PLXNA1: variants seen among roughly 807,000 people sequenced by gnomAD.
PLXNA1 encodes plexin A1.
Under a neutral mutation model 191.7 loss-of-function variants are expected in PLXNA1, and 77 were observed. That is an observed-to-expected ratio of 0.40 (90% CI 0.33 to 0.49). The LOEUF (loss-of-function observed/expected upper bound fraction) is 0.49. Ranked by LOEUF, PLXNA1 falls within the 20% of genes least tolerant of loss-of-function variation. The pLI, the probability that PLXNA1 is intolerant of heterozygous loss-of-function variation, is 0.63. For synonymous variants in PLXNA1, 1,137 were observed against 1,156.4 expected (o/e 0.98, Z 0.34); for missense variants, 2,110 against 2,660.2 (o/e 0.79, Z 4.55).
In PLXNA1 at chr3:127,022,649, G is replaced by C. The variant is rs1469661202; in HGVS notation, c.4296-103G>C. 5 of 1,087,380 alleles carry C rather than the reference G, an allele frequency of 4.6e-6. No homozygotes were observed. In the East Asian group the frequency reaches 7.1e-5, roughly 16 times the overall value. 67.4% of individuals were successfully genotyped at this position (1,087,380 alleles called of 1,614,324 possible). On this transcript the variant is annotated intron_variant, in intron 22 of 31. Transcript: ENST00000393409. Reference sequence around the variant, plus strand: ...GACCTGACCTTCGGTGCTGTAGGAAGGGGGGCAGGGTGGGGTGGGATCGGT... The same window carrying C: ...GACCTGACCTTCGGTGCTGTAGGAACGGGGGCAGGGTGGGGTGGGATCGGT...
chr3:126,991,519 G>T lies in PLXNA1; in HGVS notation c.1330G>T (p.Gly444Cys). ...LTAVAAYDYR[G>C]RTVVFAGTRS... ...CGCCGTGGCTGCCTATGACTATCGG[G>T]GCCGCACTGTGGTATTCGCCGGCAC... is the stretch of plus-strand genomic sequence containing the variant. The change falls in exon 3 of 32, where the codon GGC (glycine) becomes TGC (cysteine). Residue 444 changes from glycine (G) to cysteine (C), a missense_variant. Coordinates refer to ENST00000393409, the MANE Select transcript of PLXNA1 (RefSeq NM_032242.4). 6.2e-7 allele frequency: 1 copy of T among 1,610,670 alleles called. No individual in the cohort carries two copies. The highest frequency in any genetic ancestry group is 8.5e-7 in the Non-Finnish European group (1 of 1,178,434).
intron 9 of PLXNA1, among the ~76,000 whole-genome samples, chr3:127,009,374 A>G (rs1244775384): frequency 6.6e-6 from 1 of 151,888 alleles, no homozygotes; most frequent in Non-Finnish European, 1.5e-5. Context: ...TTGGGGAGGC[A>G]GAGCAGGCAG....
In PLXNA1 at chr3:127,034,070, A is replaced by G; in HGVS notation, c.*53A>G. On this transcript the variant is annotated 3_prime_UTR_variant, in exon 32 of 32. Coordinates refer to ENST00000393409, the MANE Select transcript of PLXNA1 (RefSeq NM_032242.4). ...GCAGCGTGAGGACAGCTGAGCAGGG[A>G]CCGGGACAGCCCTCACCGCATGCGT... 6.8e-7 allele frequency: 1 copy of G among 1,474,378 alleles called. No homozygotes were observed. The highest frequency in any genetic ancestry group is 9.3e-7 in the Non-Finnish European group (1 of 1,080,758). 91.3% of individuals were successfully genotyped at this position (1,474,378 alleles called of 1,614,324 possible). A position where few individuals can be genotyped will look rare whatever the true frequency, so the allele number is the denominator to read the frequency against.
Position 127,030,383 on chromosome 3 carries a change from T to A in PLXNA1, c.5202T>A (p.Ala1734=). ...EQADKHQIHD[A]DVRHTWKSNC... ...CCGACAAGCACCAGATCCACGATGC[T>A]GACGTGCGCCACACCTGGAAGAGCA... Residue 1734 remains alanine, a synonymous_variant, in exon 29 of 32, where the codon GCT becomes GCA. Coordinates refer to ENST00000393409, the MANE Select transcript of PLXNA1 (RefSeq NM_032242.4). 2 of 1,613,938 alleles carry A rather than the reference T, an allele frequency of 1.2e-6. No homozygotes were observed. The highest frequency in any genetic ancestry group is 1.7e-6 in the Non-Finnish European group (2 of 1,179,990).
At position 126,988,658 on chromosome 3, in the gene PLXNA1, C is replaced by T. The variant is rs1023386198; in HGVS notation, c.65C>T (p.Pro22Leu). ...LLLLLLLLLL[P>L]GMWAEAGLPR... ...CTGCTGCTGTTGCTGCTGCTGCTGCCGGGCATGTGGGCTGAGGCAGGCTTG... is the reference window on the plus strand; with the variant it reads ...CTGCTGCTGTTGCTGCTGCTGCTGCTGGGCATGTGGGCTGAGGCAGGCTTG... Residue 22 changes from proline to leucine, a missense_variant, in exon 2 of 32, where the codon CCG (proline) becomes CTG (leucine). Physicochemically the swap from Pro to Leu is moderately conservative, Grantham distance 98. Coordinates refer to ENST00000393409, the MANE Select transcript of PLXNA1 (RefSeq NM_032242.4). 19 of 1,578,488 alleles carry T rather than the reference C, an allele frequency of 1.2e-5. No individual in the cohort carries two copies. Among genetic ancestry groups the T allele is most frequent in the African/African-American group, 2.7e-5 (2 of 74,186 alleles).
rs145586877 is a variant in PLXNA1 at position 127,027,798 on chromosome 3, T to C, written c.4363-142T>C. On this transcript the variant is annotated intron_variant, in intron 23 of 31. Transcript: ENST00000393409. ...CTCTGCTGGGCTTTGGGACTAAGGC[T>C]GTACTTGCCTCCCAAAGAGTTGGGA... 7.5e-4 allele frequency: 817 copies of C among 1,091,688 alleles called. 4 individuals are homozygous for C. The African/African-American group carries it at 0.011, about 14-fold the overall frequency. The allele number at this position is 1,091,688 out of a possible 1,614,324, so 67.6% of individuals were successfully genotyped here. A position where few individuals can be genotyped will look rare whatever the true frequency, so the allele number is the denominator to read the frequency against.
chr3:127,031,621 C>G (rs997174928), intron 29 of PLXNA1, among the ~76,000 whole-genome samples: 22 of 152,202 alleles, frequency 1.4e-4, no homozygotes, highest in Admixed American at 1.1e-3. Flanking sequence ...TGTTGCTTCC[C>G]AAACCTGGGA....
chr3:127,008,946 G>C (rs2079081817), intron 9 of PLXNA1, among the ~76,000 whole-genome samples: 1 of 152,178 alleles, frequency 6.6e-6, no homozygotes, highest in Non-Finnish European at 1.5e-5. Flanking sequence ...CTATAACAGT[G>C]GGTATGCAGG....
chr3:127,014,944 T>C lies in PLXNA1; in HGVS notation c.2877+113T>C, dbSNP rs1346243995. 3 of 1,477,734 alleles carry C rather than the reference T, an allele frequency of 2.0e-6. No individual in the cohort carries two copies. The African/African-American group carries it at 4.2e-5, about 21-fold the overall frequency. 91.5% of individuals were successfully genotyped at this position (1,477,734 alleles called of 1,614,324 possible). A position where few individuals can be genotyped will look rare whatever the true frequency, so the allele number is the denominator to read the frequency against. On this transcript the variant is annotated intron_variant, in intron 14 of 31. Transcript: ENST00000393409. ...GTCTGGCCATGCTCTGCCACTGCTT[T>C]TCCACGGCCTGGGTGCTGCCCCTCC...
rs748397339 is a variant in PLXNA1, at chr3:127,030,392, C to T, written c.5211C>T (p.Arg1737=). 6.2e-7 allele frequency: 1 copy of T among 1,613,948 alleles called. No individual in the cohort carries two copies. Among genetic ancestry groups the T allele is most frequent in the South Asian group, 1.1e-5 (1 of 91,086 alleles). ...ACCAGATCCACGATGCTGACGTGCGCCACACCTGGAAGAGCAACTGGTAAT... is the reference window on the plus strand; with the variant it reads ...ACCAGATCCACGATGCTGACGTGCGTCACACCTGGAAGAGCAACTGGTAAT... ...DKHQIHDADV[R]HTWKSNCLPL... The change falls in exon 29 of 32, where the codon CGC becomes CGT. Residue 1737 remains arginine (R), a synonymous_variant. Coordinates refer to ENST00000393409, the MANE Select transcript of PLXNA1 (RefSeq NM_032242.4).
At chr3:127,010,928 C>CA (rs1300306952) in intron 9 of PLXNA1, among the ~76,000 whole-genome samples, 5 of 152,166 alleles carry the variant, frequency 3.3e-5, no homozygotes, top group African/African-American at 1.2e-4. Flanking sequence ...CTCGGGCGCT[C>CA]ACGGGCAGCC....
chr3:127,004,056 G>A (rs1000719084), intron 4 of PLXNA1, among the ~76,000 whole-genome samples: 1 of 152,226 alleles, frequency 6.6e-6, no homozygotes, highest in Admixed American at 6.5e-5. Flanking sequence ...GGGCCAGGTT[G>A]GGCACACCAG....
In PLXNA1 at chr3:127,035,151, A is replaced by G. The variant is rs1677366725; in HGVS notation, c.*1134A>G. 1 of 152,262 alleles carries G rather than the reference A, an allele frequency of 6.6e-6. No homozygotes were observed. Among genetic ancestry groups the G allele is most frequent in the African/African-American group, 2.4e-5 (1 of 41,448 alleles). 9.4% of individuals were successfully genotyped at this position (152,262 alleles called of 1,614,324 possible). A position where few individuals can be genotyped will look rare whatever the true frequency, so the allele number is the denominator to read the frequency against. On this transcript the variant is annotated 3_prime_UTR_variant, in exon 32 of 32. Transcript: ENST00000393409. Reference sequence around the variant, plus strand: ...GGGCCATGAGTGACGGGCAGTGACCAGAGGGACTGGAGGCCAGCGGTGTCC... The same window carrying G: ...GGGCCATGAGTGACGGGCAGTGACCGGAGGGACTGGAGGCCAGCGGTGTCC...
rs540648178 is a variant in PLXNA1 at position 127,034,043 on chromosome 3, A to G, written c.*26A>G. ...GCCCCAGCTGTGATCATCCAGCATGATGCAGCGTGAGGACAGCTGAGCAGG... is the reference window on the plus strand; with the variant it reads ...GCCCCAGCTGTGATCATCCAGCATGGTGCAGCGTGAGGACAGCTGAGCAGG... On this transcript the variant is annotated 3_prime_UTR_variant, in exon 32 of 32. Coordinates refer to ENST00000393409, the MANE Select transcript of PLXNA1 (RefSeq NM_032242.4). 1.9e-6 allele frequency: 3 copies of G among 1,564,208 alleles called. No homozygotes were observed. The highest frequency in any genetic ancestry group is 1.7e-6 in the Non-Finnish European group (2 of 1,151,448).
rs200487603 is a variant in PLXNA1, at chr3:127,030,353, G to A, written c.5172G>A (p.Glu1724=). The A allele has an allele frequency of 6.2e-7, 1 of 1,613,934 alleles. No individual in the cohort carries two copies. Among genetic ancestry groups the A allele is most frequent in the African/African-American group, 1.3e-5 (1 of 74,948 alleles). Reference sequence around the variant, plus strand: ...AGTACATGTTCGACTTCCTGGATGAGCAGGCCGACAAGCACCAGATCCACG... The same window carrying A: ...AGTACATGTTCGACTTCCTGGATGAACAGGCCGACAAGCACCAGATCCACG... ...AIKYMFDFLD[E]QADKHQIHDA... The change falls in exon 29 of 32, where the codon GAG becomes GAA. Residue 1724 remains glutamate (E), a synonymous_variant. Transcript: ENST00000393409.
At chr3:127,002,728 C>T (rs2079046898) in intron 3 of PLXNA1, among the ~76,000 whole-genome samples, 1 of 152,244 alleles carries the variant, frequency 6.6e-6, no homozygotes, top group Non-Finnish European at 1.5e-5. Context: ...AAAATACTTG[C>T]AGCATCGTGA....
At chr3:127,013,644 A>G (rs2079106765) in intron 10 of PLXNA1, among the ~76,000 whole-genome samples, 1 of 152,216 alleles carries the variant, frequency 6.6e-6, no homozygotes, top group South Asian at 2.1e-4. Flanking sequence ...CCATTCAGCA[A>G]AGATGCTGAG....
Position 127,016,930 on chromosome 3 carries a change from CT to C in PLXNA1, c.3183-13del, listed in dbSNP as rs779320534. On this transcript the variant is annotated splice_polypyrimidine_tract_variant and intron_variant, in intron 16 of 31. Transcript: ENST00000393409. ...GCATCATTTGGTGACCCCCCCACCC[CT>C]GTCCTGTTCCAGCGGTGGGACCCTC... 1 of 1,608,856 alleles carries C rather than the reference CT, an allele frequency of 6.2e-7. No homozygotes were observed. The highest frequency in any genetic ancestry group is 8.5e-7 in the Non-Finnish European group (1 of 1,176,748).
chr3:126,991,658 T>G, intron 3 of PLXNA1, 92 bp downstream of exon 3: 1 of 1,331,242 alleles, frequency 7.5e-7, no homozygotes, highest in Non-Finnish European at 1.0e-6. Flanking sequence ...TGCTGCTGTA[T>G]GCTGTGGGAG....
Sources: gnomAD v4.1 joint callset for allele counts (sites outside exome capture counted in the v4.1 genomes callset) on GRCh38, gnomAD v4.1.1 for gene constraint, MANE v1.5 for transcripts, NCBI Gene and HGNC (gene_info 2026-07-23, HGNC 2026-07-21) for gene names.